ARK2N: variants seen among roughly 807,000 people sequenced by gnomAD.
The protein encoded by ARK2N is protein ARK2N.
At chr18:46,191,813 G>C in the ARK2N span, among the ~76,000 whole-genome samples, 1 of 152,020 alleles carries the variant, frequency 6.6e-6, no homozygotes, top group Admixed American at 6.6e-5. Flanking sequence ...CTCTGTGCTC[G>C]GCCTCTTCAT....
chr18:46,226,670 T>C, the ARK2N span, among the ~76,000 whole-genome samples: 2 of 152,196 alleles, frequency 1.3e-5, no homozygotes, highest in Admixed American at 1.3e-4. Context: ...GATTGGTAAA[T>C]GCTGGCATTT....
chr18:46,204,306 G>A, the ARK2N span, among the ~76,000 whole-genome samples: 1 of 152,078 alleles, frequency 6.6e-6, no homozygotes, highest in Non-Finnish European at 1.5e-5. Flanking sequence ...TTCCTGTTAG[G>A]CCCAGTCCTA....
chr18:46,199,701 C>T, the ARK2N span, among the ~76,000 whole-genome samples: 1 of 152,120 alleles, frequency 6.6e-6, no homozygotes, highest in Non-Finnish European at 1.5e-5. Context: ...TGTTGCTTAT[C>T]TGTTGAGTCA....
chr18:46,191,943 C>T, the ARK2N span, among the ~76,000 whole-genome samples: 1 of 152,138 alleles, frequency 6.6e-6, no homozygotes, highest in Non-Finnish European at 1.5e-5. Flanking sequence ...GGTTTCTTCA[C>T]TTTGTGATAG....
the ARK2N span, chr18:46,217,831 C>T: frequency 7.9e-5 from 12 of 151,916 alleles, no homozygotes; most frequent in East Asian, 1.9e-4. Context: ...ATAAAACTAC[C>T]GGGAGGGGGA....
At chr18:46,198,057 T>C in the ARK2N span, among the ~76,000 whole-genome samples, 1 of 152,036 alleles carries the variant, frequency 6.6e-6, no homozygotes, top group African/African-American at 2.4e-5. Context: ...ATCCCAGCAC[T>C]GTGGGAGGCT....
At chr18:46,207,357 T>C in the ARK2N span, among the ~76,000 whole-genome samples, 1 of 151,666 alleles carries the variant, frequency 6.6e-6, no homozygotes, top group Non-Finnish European at 1.5e-5. Flanking sequence ...AAAGTTGCTC[T>C]AAGTTTCTCA....
chr18:46,265,943 T>C, the ARK2N span: 1 of 152,486 alleles, frequency 6.6e-6, no homozygotes, highest in African/African-American at 2.4e-5. Context: ...CCCCCTCCAA[T>C]TTGTGAAAAA....
the ARK2N span, among the ~76,000 whole-genome samples, chr18:46,202,825 A>T: frequency 6.6e-6 from 1 of 150,742 alleles, no homozygotes; most frequent in Non-Finnish European, 1.5e-5. Flanking sequence ...AAGAAAGAAA[A>T]GAAAACTAGA....
At chr18:46,175,503 C>T in the ARK2N span, among the ~76,000 whole-genome samples, 1 of 151,770 alleles carries the variant, frequency 6.6e-6, no homozygotes, top group Admixed American at 6.6e-5. Flanking sequence ...CAGAGCATTG[C>T]CTTTTGGTTT....
At chr18:46,233,790 T>C in the ARK2N span, among the ~76,000 whole-genome samples, 6 of 152,326 alleles carry the variant, frequency 3.9e-5, no homozygotes, top group South Asian at 1.2e-3. Context: ...ATAAAAAGTT[T>C]AAATTTTTAA....
chr18:46,176,311 A>G, the ARK2N span, among the ~76,000 whole-genome samples: 1 of 152,224 alleles, frequency 6.6e-6, no homozygotes, highest in Admixed American at 6.5e-5. Context: ...CATGTACACT[A>G]GAGACCCAAA....
At chr18:46,243,403 A>G in the ARK2N span, among the ~76,000 whole-genome samples, 1 of 152,136 alleles carries the variant, frequency 6.6e-6, no homozygotes, top group African/African-American at 2.4e-5. Flanking sequence ...GGTTCACTTT[A>G]ATCAACAGCA....
the ARK2N span, chr18:46,217,589 G>GAT: frequency 6.6e-6 from 1 of 152,160 alleles, no homozygotes; most frequent in African/African-American, 2.4e-5. Context: ...GCATATTGCT[G>GAT]ATATACAAAG....
At chr18:46,194,171 C>G in the ARK2N span, among the ~76,000 whole-genome samples, 4 of 151,982 alleles carry the variant, frequency 2.6e-5, no homozygotes, top group South Asian at 8.3e-4. Context: ...AGGCTGGTCT[C>G]AAACTCCTTG....
the ARK2N span, chr18:46,217,770 T>C: frequency 6.6e-6 from 1 of 152,170 alleles, no homozygotes; most frequent in South Asian, 2.1e-4. Flanking sequence ...TTAGAAATGC[T>C]TTTTACTGTT....
the ARK2N span, among the ~76,000 whole-genome samples, chr18:46,186,340 T>TTG: frequency 1.4e-5 from 2 of 147,418 alleles, no homozygotes; most frequent in East Asian, 4.2e-4. Context: ...GGACTACAGG[T>TTG]GCACGCCACT....
chr18:46,197,092 G>A, the ARK2N span, among the ~76,000 whole-genome samples: 26 of 152,312 alleles, frequency 1.7e-4, no homozygotes, highest in African/African-American at 6.3e-4. Context: ...GCATTCGAGG[G>A]AGGAGAATTA....
At chr18:46,175,620 A>G in the ARK2N span, among the ~76,000 whole-genome samples, 1 of 150,514 alleles carries the variant, frequency 6.6e-6, no homozygotes, top group African/African-American at 2.4e-5. Flanking sequence ...ATCCTGCCTC[A>G]GCCTCCCGAG....
Sources: allele counts gnomAD v4.1 joint callset (sites outside exome capture counted in the v4.1 genomes callset), GRCh38; gene constraint gnomAD v4.1.1; transcripts MANE v1.5; gene names NCBI Gene and HGNC (gene_info 2026-07-23, HGNC 2026-07-21).